PRKN: variants seen among roughly 807,000 people sequenced by gnomAD.
PRKN encodes parkin RBR E3 ubiquitin protein ligase, also known as E3 ubiquitin-protein ligase parkin.
Under a neutral mutation model 59.5 loss-of-function variants are expected in PRKN, and 56 were observed. The ratio of observed to expected loss-of-function variants is 0.94; its 90% CI spans 0.76 to 1.18. PRKN has a LOEUF of 1.18. Among genes scored for constraint, PRKN ranks in the 50% most tolerant of loss-of-function variants. PRKN has a pLI of 0.00. For synonymous variants in PRKN, 250 were observed against 222.1 expected (o/e 1.13, Z -1.12); for missense variants, 657 against 596.4 (o/e 1.10, Z -1.06).
At chr6:161,936,710 T>C (rs569060607) in intron 6 of PRKN, among the ~76,000 whole-genome samples, 9 of 152,148 alleles carry the variant, frequency 5.9e-5, no homozygotes, top group Non-Finnish European at 1.0e-4. Flanking sequence ...AGGGCAAATA[T>C]GCAAGTTTCA....
intron 9 of PRKN, among the ~76,000 whole-genome samples, chr6:161,511,151 A>G (rs1451526703): frequency 6.6e-6 from 1 of 152,224 alleles, no homozygotes; most frequent in Non-Finnish European, 1.5e-5. Flanking sequence ...AGAAAAATAA[A>G]TGTTCTTTGT....
intron 4 of PRKN, among the ~76,000 whole-genome samples, chr6:162,060,686 T>C (rs1436251481): frequency 1.3e-5 from 2 of 152,250 alleles, no homozygotes; most frequent in Non-Finnish European, 2.9e-5. Flanking sequence ...ACTATTTTTC[T>C]TGAGTTATCT....
At chr6:162,713,209 T>C (rs889207758) in intron 1 of PRKN, among the ~76,000 whole-genome samples, 3 of 152,166 alleles carry the variant, frequency 2.0e-5, no homozygotes, top group African/African-American at 7.2e-5. Flanking sequence ...ATTTATAAAA[T>C]TAGGTCTCTT....
Position 162,076,300 on chromosome 6 carries a change from A to G in PRKN, c.535-22126T>C, listed in dbSNP as rs1209081777. ...AGGCCTTCTTAATCCAAAAAAAACC[A>G]AATAAGATTTGGCCAAAAGAAGAGT... is the stretch of plus-strand genomic sequence containing the variant. On this transcript the variant is annotated intron_variant, in intron 4 of 11. Transcript: ENST00000366898. Among the ~76,000 whole-genome samples, 6 of 152,128 alleles carry G rather than the reference A, an allele frequency of 3.9e-5. No individual in the cohort carries two copies. In the East Asian group the frequency reaches 1.2e-3, roughly 29 times the overall value.
chr6:161,606,896 G>A lies in PRKN; in HGVS notation c.872-37480C>T, dbSNP rs78243324. Among the ~76,000 whole-genome samples the A allele has an allele frequency of 8.5e-5, 13 of 152,324 alleles. No homozygotes were observed. In the East Asian group the frequency reaches 2.5e-3, roughly 29 times the overall value. On this transcript the variant is annotated intron_variant, in intron 7 of 11. Transcript: ENST00000366898. ...TGCTTCCCCAGGCTGAAGACAAAAT[G>A]TTCTTTTCCCAGAGTAGCCCTACAG...
At position 161,348,257 on chromosome 6, in the gene PRKN, C is replaced by G. The variant is rs939090729; in HGVS notation, c.*1842G>C. 1.5e-5 allele frequency: 3 copies of G among 203,060 alleles called. No homozygotes were observed. The highest frequency in any genetic ancestry group is 6.9e-5 in the African/African-American group (3 of 43,494). The allele number at this position is 203,060 out of a possible 1,614,324, so 12.6% of individuals were successfully genotyped here. A position where few individuals can be genotyped will look rare whatever the true frequency, so the allele number is the denominator to read the frequency against. ...CAGTGACACTAAGTCAGGCCTTGAT[C>G]AGGGTCTGGACTCAGTATGGACACG... On this transcript the variant is annotated 3_prime_UTR_variant, in exon 12 of 12. Coordinates refer to ENST00000366898, the MANE Select transcript of PRKN (RefSeq NM_004562.3). The surrounding 1 kb of genome is among the most constrained non-coding windows in gnomAD (Gnocchi z 4.9).
chr6:161,739,903 C>T (rs367693883), intron 7 of PRKN, among the ~76,000 whole-genome samples: 16 of 152,224 alleles, frequency 1.1e-4, no homozygotes, highest in South Asian at 8.3e-4. Context: ...TACAGGTGCA[C>T]ACCACCACGC....
intron 4 of PRKN, among the ~76,000 whole-genome samples, chr6:162,103,770 C>T (rs1039759470): frequency 6.6e-6 from 1 of 152,156 alleles, no homozygotes; most frequent in Admixed American, 6.5e-5. Context: ...TAGCCTCAGA[C>T]GGCAGATGAG....
At chr6:161,508,450 G>A (rs867711233) in intron 9 of PRKN, among the ~76,000 whole-genome samples, 1 of 152,040 alleles carries the variant, frequency 6.6e-6, no homozygotes, top group Admixed American at 6.6e-5. Context: ...CTTTAACCTC[G>A]GAAACGCTTT....
chr6:162,050,354 C>T (rs1287557527), intron 5 of PRKN, among the ~76,000 whole-genome samples: 1 of 152,124 alleles, frequency 6.6e-6, no homozygotes, highest in East Asian at 1.9e-4. Context: ...GAGTCATTGT[C>T]TTTCACATTT....
intron 1 of PRKN, among the ~76,000 whole-genome samples, chr6:162,463,928 T>C (rs575816409): frequency 6.6e-6 from 1 of 152,338 alleles, no homozygotes; most frequent in South Asian, 2.1e-4. Context: ...GTTATTTTGT[T>C]GTTGTTTTTG....
At chr6:162,474,851 G>A (rs1791924235) in intron 1 of PRKN, among the ~76,000 whole-genome samples, 1 of 152,076 alleles carries the variant, frequency 6.6e-6, no homozygotes, top group South Asian at 2.1e-4. Flanking sequence ...TGGGGTATAG[G>A]CAGGCCTGAT....
rs1182122095 is a variant in PRKN at position 161,349,959 on chromosome 6, T to C, written c.*140A>G. The C allele has an allele frequency of 1.9e-5, 13 of 690,196 alleles. No individual in the cohort carries two copies. The East Asian group carries it at 3.0e-4, about 16-fold the overall frequency. 42.8% of individuals were successfully genotyped at this position (690,196 alleles called of 1,614,324 possible). ...AGTTTCTTCTGCAATTTGGCTGTAG[T>C]TGGACTTTGAAAAAAACTTGAAGAG... On this transcript the variant is annotated 3_prime_UTR_variant, in exon 12 of 12. Coordinates refer to ENST00000366898, the MANE Select transcript of PRKN (RefSeq NM_004562.3). The surrounding 1 kb of genome is among the most constrained non-coding windows in gnomAD (Gnocchi z 5.5).
At chr6:162,649,079 CCAT>C (rs972645926) in intron 1 of PRKN, among the ~76,000 whole-genome samples, 5 of 152,164 alleles carry the variant, frequency 3.3e-5, no homozygotes, top group Non-Finnish European at 7.3e-5. Context: ...GCCGCCACAA[CCAT>C]GAGCCAATTC....
chr6:161,691,073 T>C (rs541134567), intron 7 of PRKN, among the ~76,000 whole-genome samples: 6 of 151,312 alleles, frequency 4.0e-5, no homozygotes, highest in Admixed American at 3.3e-4. Flanking sequence ...CATCCATCCA[T>C]CCACCCACCC....
intron 9 of PRKN, among the ~76,000 whole-genome samples, chr6:161,427,454 A>C (rs1214764427): frequency 6.6e-5 from 10 of 152,198 alleles, no homozygotes; most frequent in Admixed American, 6.5e-4. Context: ...TAAAAGACAC[A>C]GCTGGGATTA....
intron 7 of PRKN, among the ~76,000 whole-genome samples, chr6:161,680,600 A>G (rs1010276540): frequency 6.6e-6 from 1 of 151,522 alleles, no homozygotes; most frequent in Non-Finnish European, 1.5e-5. Flanking sequence ...ATTAGATTAG[A>G]GTGCAAAGGA....
At chr6:161,608,504 A>T (rs1165788503) in intron 7 of PRKN, among the ~76,000 whole-genome samples, 2 of 152,026 alleles carry the variant, frequency 1.3e-5, no homozygotes, top group Non-Finnish European at 2.9e-5. Context: ...AATTAAAGTA[A>T]GAAAAAAATA....
intron 6 of PRKN, among the ~76,000 whole-genome samples, chr6:161,893,135 C>G (rs1777477440): frequency 6.6e-6 from 1 of 152,180 alleles, no homozygotes; most frequent in African/African-American, 2.4e-5. Flanking sequence ...GCCACCGCAC[C>G]CAGCCCATCA....
Sources: gnomAD v4.1 joint callset for allele counts (sites outside exome capture counted in the v4.1 genomes callset) on GRCh38, gnomAD v4.1.1 for gene constraint, Gnocchi (gnomAD v3.1) non-coding constraint, MANE v1.5 for transcripts, NCBI Gene and HGNC (gene_info 2026-07-23, HGNC 2026-07-21) for gene names.